Variants in DYM observed in about 807,000 individuals in gnomAD.
The protein encoded by DYM is dymeclin.
DYM carries 78 observed loss-of-function variants against 93.1 expected under a neutral mutation model. That is an observed-to-expected ratio of 0.84 (90% CI 0.70 to 1.01). The LOEUF (loss-of-function observed/expected upper bound fraction) is 1.01. DYM is among the 50% of genes least tolerant of loss of function. The pLI, the probability that DYM is intolerant of heterozygous loss-of-function variation, is 0.00. For synonymous variants in DYM, 321 were observed against 319.7 expected (o/e 1.00, Z -0.04); for missense variants, 789 against 845.0 (o/e 0.93, Z 0.82).
At chr18:49,366,571 C>A (rs1469369312) in intron 5 of DYM, among the ~76,000 whole-genome samples, 1 of 152,202 alleles carries the variant, frequency 6.6e-6, no homozygotes, top group Non-Finnish European at 1.5e-5. Context: ...GCAGGAGGAT[C>A]TCTTGAGCCC....
intron 15 of DYM, among the ~76,000 whole-genome samples, chr18:49,131,495 G>A (rs1163674211): frequency 6.6e-6 from 1 of 152,076 alleles, no homozygotes; most frequent in Admixed American, 6.6e-5. Flanking sequence ...AAAGTGCTAG[G>A]ATTACAGGCC....
At chr18:49,403,919 C>G (rs2071144353) in intron 2 of DYM, among the ~76,000 whole-genome samples, 1 of 152,062 alleles carries the variant, frequency 6.6e-6, no homozygotes, top group Non-Finnish European at 1.5e-5. Context: ...GATATGAATT[C>G]ATTCCTTTTA....
chr18:49,139,999 G>A (rs570071581), intron 15 of DYM, among the ~76,000 whole-genome samples: 1 of 152,236 alleles, frequency 6.6e-6, no homozygotes, highest in East Asian at 1.9e-4. Flanking sequence ...TAATTTGCGT[G>A]CTTTTATAAC....
intron 2 of DYM, among the ~76,000 whole-genome samples, chr18:49,407,643 C>T (rs868408070): frequency 6.6e-6 from 1 of 152,186 alleles, no homozygotes; most frequent in Non-Finnish European, 1.5e-5. Context: ...TGGCGCTAGC[C>T]ATTCATGAGG....
intron 17 of DYM, among the ~76,000 whole-genome samples, chr18:49,067,716 A>G (rs527549545): frequency 6.6e-6 from 1 of 152,208 alleles, no homozygotes; most frequent in Non-Finnish European, 1.5e-5. Context: ...CCAGTTAAAG[A>G]TCAACTTGCA....
chr18:49,380,063 A>T (rs1218347841), intron 3 of DYM, among the ~76,000 whole-genome samples: 1 of 150,644 alleles, frequency 6.6e-6, no homozygotes, highest in Non-Finnish European at 1.5e-5. Flanking sequence ...TTACACACTA[A>T]ATCTTTCTCT....
chr18:49,363,133 A>G (rs1421100128), intron 6 of DYM, 28 bp downstream of exon 6: 35 of 1,592,294 alleles, frequency 2.2e-5, no homozygotes, highest in Non-Finnish European at 3.0e-5. Context: ...AAGAAGATAA[A>G]ACAAATCCTG....
At chr18:49,451,623 G>A (rs2082523862) in intron 1 of DYM, among the ~76,000 whole-genome samples, 1 of 152,196 alleles carries the variant, frequency 6.6e-6, no homozygotes, top group South Asian at 2.1e-4. Context: ...GTGGAACAGA[G>A]TTCCATCGAA....
intron 16 of DYM, among the ~76,000 whole-genome samples, chr18:49,111,220 A>T (rs549325431): frequency 6.6e-6 from 1 of 152,258 alleles, no homozygotes; most frequent in African/African-American, 2.4e-5. Context: ...CCCTTTAAAA[A>T]TGTAAAAAAC....
chr18:49,398,380 C>A (rs972067677), intron 2 of DYM, among the ~76,000 whole-genome samples: 8 of 152,254 alleles, frequency 5.3e-5, no homozygotes, highest in African/African-American at 1.9e-4. Flanking sequence ...CCGCTCCTGG[C>A]CACAGCTGAC....
intron 2 of DYM, among the ~76,000 whole-genome samples, chr18:49,427,564 G>A (rs571541417): frequency 2.0e-5 from 3 of 151,792 alleles, no homozygotes; most frequent in South Asian, 2.1e-4. Context: ...TTTGTGAGGT[G>A]TGATAATGGT....
chr18:49,446,681 A>G (rs533130372), intron 1 of DYM, among the ~76,000 whole-genome samples: 1 of 152,334 alleles, frequency 6.6e-6, no homozygotes, highest in South Asian at 2.1e-4. Context: ...AATGATATAC[A>G]GAGATACGGA....
chr18:49,147,223 G>T (rs2144630156), intron 15 of DYM, among the ~76,000 whole-genome samples: 1 of 152,210 alleles, frequency 6.6e-6, no homozygotes, highest in East Asian at 1.9e-4. Flanking sequence ...TTAGATGTTA[G>T]ACCTAAAACC....
intron 16 of DYM, among the ~76,000 whole-genome samples, chr18:49,104,878 G>A (rs1038349807): frequency 5.9e-5 from 9 of 152,030 alleles, no homozygotes; most frequent in African/African-American, 2.2e-4. Flanking sequence ...CTCTTTTTTT[G>A]TTGTGTCTCC....
At chr18:49,192,796 T>G (rs2091099625) in intron 14 of DYM, among the ~76,000 whole-genome samples, 1 of 152,186 alleles carries the variant, frequency 6.6e-6, no homozygotes, top group Non-Finnish European at 1.5e-5. Flanking sequence ...GGATTATTTT[T>G]CTATATGTAT....
chr18:49,166,035 T>A (rs1278692299), intron 14 of DYM, among the ~76,000 whole-genome samples: 1 of 152,138 alleles, frequency 6.6e-6, no homozygotes, highest in African/African-American at 2.4e-5. Context: ...TTTCCAATCA[T>A]TTTATTTTTC....
chr18:49,347,429 CAT>C (rs1471906239), intron 6 of DYM, among the ~76,000 whole-genome samples: 3 of 152,072 alleles, frequency 2.0e-5, no homozygotes, highest in Non-Finnish European at 4.4e-5. Flanking sequence ...TAAAATATAA[CAT>C]ATTGAAATAA....
At chr18:49,321,237 C>T (rs942140016) in intron 8 of DYM, 1 of 396,106 alleles carries the variant, frequency 2.5e-6, no homozygotes, top group Non-Finnish European at 4.4e-6. Flanking sequence ...ATAAATGGCA[C>T]TTGTAGCAAG....
chr18:49,252,115 G>A lies in DYM; in HGVS notation c.1460+4895C>T, dbSNP rs537677758. On this transcript the variant is annotated intron_variant, in intron 13 of 17. Coordinates refer to ENST00000675505, the MANE Select transcript of DYM (RefSeq NM_001353214.3). Reference sequence around the variant, plus strand: ...TACCTGTAATCCCAGCTACTTGGGAGGCTGAGGCAGGAGAGTTGCTTGAAC... The same window carrying A: ...TACCTGTAATCCCAGCTACTTGGGAAGCTGAGGCAGGAGAGTTGCTTGAAC... 1.9e-4 allele frequency among the ~76,000 whole-genome samples: 29 copies of A among 150,158 alleles called. No homozygotes were observed. In the Middle Eastern group the frequency reaches 0.014, roughly 71 times the overall value.
Sources: allele counts gnomAD v4.1 joint callset (sites outside exome capture counted in the v4.1 genomes callset), GRCh38; gene constraint gnomAD v4.1.1; transcripts MANE v1.5; gene names NCBI Gene and HGNC (gene_info 2026-07-23, HGNC 2026-07-21).